Variants in GPC5 observed in about 807,000 individuals in gnomAD.
GPC5 encodes the protein glypican 5, also known as glypican-5.
GPC5 carries 47 observed loss-of-function variants against 53.9 expected under a neutral mutation model. That is an observed-to-expected ratio of 0.87 (90% CI 0.69 to 1.11). The LOEUF (loss-of-function observed/expected upper bound fraction) is 1.11, where lower values mean the gene tolerates loss of function less well. Among genes scored for constraint, GPC5 ranks in the 50% most tolerant of loss-of-function variants. The pLI, the probability that GPC5 is intolerant of heterozygous loss-of-function variation, is 0.00. For missense variants in GPC5, 748 were observed against 713.1 expected (o/e 1.05, Z -0.56); for synonymous variants, 286 against 263.3 (o/e 1.09, Z -0.84).
At chr13:92,255,650 C>A (rs2042721678) in intron 7 of GPC5, among the ~76,000 whole-genome samples, 1 of 152,042 alleles carries the variant, frequency 6.6e-6, no homozygotes, top group Non-Finnish European at 1.5e-5. Flanking sequence ...TTTATGCAAT[C>A]ACTGCTAGTC....
At chr13:92,724,785 T>C (rs1320336045) in intron 7 of GPC5, among the ~76,000 whole-genome samples, 1 of 151,230 alleles carries the variant, frequency 6.6e-6, no homozygotes, top group Non-Finnish European at 1.5e-5. Flanking sequence ...TATAGAGAAG[T>C]GCTGTACAAG....
At chr13:91,801,829 C>T (rs1300166351) in intron 5 of GPC5, among the ~76,000 whole-genome samples, 2 of 152,150 alleles carry the variant, frequency 1.3e-5, no homozygotes, top group African/African-American at 4.8e-5. Flanking sequence ...CAAGCAGTTC[C>T]ATCCCAATGT....
chr13:92,123,679 G>A (rs758983438), intron 6 of GPC5, among the ~76,000 whole-genome samples: 1 of 152,078 alleles, frequency 6.6e-6, no homozygotes, highest in Non-Finnish European at 1.5e-5. Context: ...TAAACAAGGG[G>A]ACAAAACTGA....
chr13:92,706,214 G>T (rs547794025), intron 7 of GPC5, among the ~76,000 whole-genome samples: 2 of 152,092 alleles, frequency 1.3e-5, no homozygotes, highest in South Asian at 2.1e-4. Context: ...CATTTGCCAT[G>T]TTTGTAGGGA....
intron 7 of GPC5, among the ~76,000 whole-genome samples, chr13:92,173,499 C>T (rs2042085288): frequency 6.6e-6 from 1 of 152,200 alleles, no homozygotes; most frequent in Admixed American, 6.5e-5. Context: ...TGGCACCTGC[C>T]TGGACAAACC....
chr13:92,712,443 C>T (rs1044217878), intron 7 of GPC5, among the ~76,000 whole-genome samples: 1 of 114,046 alleles, frequency 8.8e-6, no homozygotes, highest in African/African-American at 3.2e-5. Flanking sequence ...AAGGACAAGA[C>T]AGTAAAAACA....
chr13:91,647,635 G>T (rs2034594103), intron 2 of GPC5, among the ~76,000 whole-genome samples: 1 of 152,136 alleles, frequency 6.6e-6, no homozygotes, highest in African/African-American at 2.4e-5. Context: ...ACTGACTTTG[G>T]CTCCAGGCTG....
intron 2 of GPC5, among the ~76,000 whole-genome samples, chr13:91,501,942 C>G (rs1315555670): frequency 6.6e-6 from 1 of 152,232 alleles, no homozygotes; most frequent in Non-Finnish European, 1.5e-5. Context: ...GCCATTTTAA[C>G]TGGTGTGAGA....
rs141928188 is a variant in GPC5 at position 92,275,650 on chromosome 13, G to T, written c.1561+130661G>T. ...TTTTGGATTCTCTAAAGTAATAGAA[G>T]AAGGGCCAAACCAAGCTGCAGGAAA... On this transcript the variant is annotated intron_variant, in intron 7 of 7. Coordinates refer to ENST00000377067, the MANE Select transcript of GPC5 (RefSeq NM_004466.6). 9.7e-4 allele frequency among the ~76,000 whole-genome samples: 148 copies of T among 152,176 alleles called. 4 individuals are homozygous for T. The East Asian group carries it at 0.024, about 25-fold the overall frequency.
At chr13:91,713,565 C>T (rs1177188303) in intron 3 of GPC5, among the ~76,000 whole-genome samples, 3 of 152,102 alleles carry the variant, frequency 2.0e-5, no homozygotes, top group Non-Finnish European at 4.4e-5. Context: ...GTCACATCAG[C>T]CTGGTAGAAA....
chr13:91,578,432 C>A (rs1392935656), intron 2 of GPC5, among the ~76,000 whole-genome samples: 1 of 152,086 alleles, frequency 6.6e-6, no homozygotes, highest in African/African-American at 2.4e-5. Context: ...TTTACTACCC[C>A]CTTTGTCATT....
At chr13:91,992,051 T>A (rs148777528) in intron 6 of GPC5, among the ~76,000 whole-genome samples, 2 of 152,162 alleles carry the variant, frequency 1.3e-5, no homozygotes, top group Non-Finnish European at 2.9e-5. Flanking sequence ...TAATTTTTAT[T>A]TTTTGAGACA....
At chr13:91,661,153 T>G (rs1385819960) in intron 2 of GPC5, among the ~76,000 whole-genome samples, 1 of 152,038 alleles carries the variant, frequency 6.6e-6, no homozygotes, top group Non-Finnish European at 1.5e-5. Flanking sequence ...TTCCACAGTC[T>G]GGCAGGGCCT....
chr13:92,468,300 G>A (rs139852998), intron 7 of GPC5, among the ~76,000 whole-genome samples: 4 of 152,162 alleles, frequency 2.6e-5, no homozygotes, highest in South Asian at 2.1e-4. Context: ...CAAGAGAAAC[G>A]CTTAAATAAA....
intron 4 of GPC5, among the ~76,000 whole-genome samples, chr13:91,741,119 G>A (rs1205102765): frequency 6.6e-6 from 1 of 152,046 alleles, no homozygotes; most frequent in Non-Finnish European, 1.5e-5. Context: ...GTAAAAATAA[G>A]ATATTTTTAC....
rs1337131221 is a variant in GPC5 at position 91,918,769 on chromosome 13, C to T, written c.1401+10712C>T. Among the ~76,000 whole-genome samples, 9 of 152,048 alleles carry T rather than the reference C, an allele frequency of 5.9e-5. No homozygotes were observed. The East Asian group carries it at 1.7e-3, about 29-fold the overall frequency. On this transcript the variant is annotated intron_variant, in intron 6 of 7. Coordinates refer to ENST00000377067, the MANE Select transcript of GPC5 (RefSeq NM_004466.6). ...CTCTTTGCTCTCACTTTCTTGATTT[C>T]TCACCAATATCTTTGATTTCTTTCA...
chr13:91,529,585 G>C (rs1341862326), intron 2 of GPC5, among the ~76,000 whole-genome samples: 2 of 151,572 alleles, frequency 1.3e-5, no homozygotes, highest in East Asian at 1.9e-4. Context: ...CTTTGAAAAA[G>C]TAATCATGCA....
At chr13:92,344,589 C>T (rs1363853099) in intron 7 of GPC5, among the ~76,000 whole-genome samples, 2 of 152,058 alleles carry the variant, frequency 1.3e-5, no homozygotes, top group Non-Finnish European at 2.9e-5. Flanking sequence ...GACAGTCTTC[C>T]TAATTTGGTC....
intron 5 of GPC5, among the ~76,000 whole-genome samples, chr13:91,862,959 C>T (rs771080211): frequency 6.0e-5 from 9 of 151,238 alleles, no homozygotes; most frequent in Admixed American, 1.3e-4. Context: ...TCCTTCCTTT[C>T]CTCCTTTCCT....
Sources: allele counts gnomAD v4.1 joint callset (sites outside exome capture counted in the v4.1 genomes callset), GRCh38; gene constraint gnomAD v4.1.1; transcripts MANE v1.5; gene names NCBI Gene and HGNC (gene_info 2026-07-23, HGNC 2026-07-21).